The following COL21A1 variants were observed in gnomAD, a reference collection of about 807,000 sequenced individuals.
COL21A1 encodes collagen alpha-1(XXI) chain.
Under a neutral mutation model 137.9 loss-of-function variants are expected in COL21A1, and 149 were observed. The ratio of observed to expected loss-of-function variants is 1.08; its 90% CI spans 0.95 to 1.24. The LOEUF (loss-of-function observed/expected upper bound fraction) is 1.24. COL21A1 is among the 50% of genes most tolerant of loss of function. The pLI is 0.00. For synonymous variants in COL21A1, 456 were observed against 391.5 expected (o/e 1.16, Z -1.95); for missense variants, 1,167 against 1,158.4 (o/e 1.01, Z -0.11).
intron 1 of COL21A1, among the ~76,000 whole-genome samples, chr6:56,264,959 AG>A (rs1478386116): frequency 6.6e-6 from 1 of 152,220 alleles, no homozygotes; most frequent in Non-Finnish European, 1.5e-5. Flanking sequence ...AGCAAAAAGA[AG>A]GTGCCTCTCC....
chr6:56,235,403 T>C (rs1781835900), intron 1 of COL21A1, among the ~76,000 whole-genome samples: 1 of 151,946 alleles, frequency 6.6e-6, no homozygotes, highest in African/African-American at 2.4e-5. Context: ...GCTTTTCTGA[T>C]TGTTTAATAT....
intron 16 of COL21A1, among the ~76,000 whole-genome samples, chr6:56,108,407 G>C (rs1345116794): frequency 6.6e-6 from 1 of 151,892 alleles, no homozygotes; most frequent in Non-Finnish European, 1.5e-5. Flanking sequence ...GACAATAGAA[G>C]GATGGGCGAA....
chr6:56,112,171 T>C (rs1309902516), intron 16 of COL21A1, among the ~76,000 whole-genome samples: 1 of 152,176 alleles, frequency 6.6e-6, no homozygotes, highest in Non-Finnish European at 1.5e-5. Context: ...AAAGTTCTAA[T>C]GTAATTCAAA....
intron 9 of COL21A1, among the ~76,000 whole-genome samples, chr6:56,162,220 T>A (rs1776250257): frequency 6.6e-6 from 1 of 152,126 alleles, no homozygotes; most frequent in South Asian, 2.1e-4. Flanking sequence ...ACTTCCAGGA[T>A]AAAGAGTCCT....
rs1768502605 is a variant in COL21A1, at chr6:56,088,694, AAATCAC to A, written c.1813-11127_1813-11122del. Among the ~76,000 whole-genome samples the A allele has an allele frequency of 2.6e-5, 4 of 152,146 alleles. No individual in the cohort carries two copies. In the South Asian group the frequency reaches 8.3e-4, roughly 31 times the overall value. On this transcript the variant is annotated intron_variant, in intron 17 of 29. Transcript: ENST00000244728. The stretch of plus-strand genomic sequence containing the variant: ...TTTCTGCTTTTTGGGAGCACTTCCA[AAATCAC>A]TAGTGGCACTTCCTATGTGTTTCAT...
At chr6:56,181,533 T>C (rs893360241) in intron 2 of COL21A1, among the ~76,000 whole-genome samples, 1 of 152,166 alleles carries the variant, frequency 6.6e-6, no homozygotes, top group Non-Finnish European at 1.5e-5. Flanking sequence ...TTCAGTGGTT[T>C]TCACTCTAAG....
At chr6:56,381,823 C>T (rs2094009170) in intron 1 of COL21A1, among the ~76,000 whole-genome samples, 1 of 152,160 alleles carries the variant, frequency 6.6e-6, no homozygotes, top group Non-Finnish European at 1.5e-5. Flanking sequence ...CAAACTGACT[C>T]CAAATTGGAA....
At chr6:56,097,904 TATATAAATATATATAA>T (rs1769593650) in intron 17 of COL21A1, among the ~76,000 whole-genome samples, 3 of 97,428 alleles carry the variant, frequency 3.1e-5, no homozygotes, top group Admixed American at 1.6e-4. Flanking sequence ...AATATATAAA[TATATAAATATATATAA>T]ATATATAAAT....
intron 17 of COL21A1, among the ~76,000 whole-genome samples, chr6:56,087,860 T>A (rs980129966): frequency 6.6e-6 from 1 of 152,072 alleles, no homozygotes; most frequent in African/African-American, 2.4e-5. Context: ...TTCTCCTCAA[T>A]GAGATTCTTA....
rs79999111 is a variant in COL21A1 at position 56,289,569 on chromosome 6, C to T, written c.-39+104402G>A. 4.5e-3 allele frequency among the ~76,000 whole-genome samples: 688 copies of T among 152,220 alleles called. 5 individuals carry two copies. Among genetic ancestry groups the T allele is most frequent in the African/African-American group, 0.016 (663 of 41,518 alleles). Reference sequence around the variant, plus strand: ...TCTAGAAAAGCCCATAGTAAATGCTCAGTAGATATATGTGTGTAGGATAAA... The same window carrying T: ...TCTAGAAAAGCCCATAGTAAATGCTTAGTAGATATATGTGTGTAGGATAAA... On this transcript the variant is annotated intron_variant, in intron 1 of 28. Transcript: ENST00000370819.
intron 1 of COL21A1, among the ~76,000 whole-genome samples, chr6:56,322,880 CTA>C (rs2152341623): frequency 1.3e-5 from 1 of 75,282 alleles, no homozygotes; most frequent in Non-Finnish European, 3.0e-5. Context: ...CCATCCTCTG[CTA>C]TCAAAAAAAA....
Position 56,212,145 on chromosome 6 carries a change from T to C in COL21A1, c.-38-29489A>G, listed in dbSNP as rs144472936. Among the ~76,000 whole-genome samples the C allele has an allele frequency of 2.6e-4, 39 of 152,180 alleles. 1 individual carries two copies. In the East Asian group the frequency reaches 7.3e-3, roughly 29 times the overall value. ...ATTTCTTATATTCAAATTGTATATG[T>C]AATACAATAGAGGGTTTCCTAGAAA... On this transcript the variant is annotated intron_variant, in intron 1 of 29. Transcript: ENST00000244728.
intron 16 of COL21A1, among the ~76,000 whole-genome samples, chr6:56,106,712 T>C (rs1770931128): frequency 6.6e-6 from 1 of 152,026 alleles, no homozygotes; most frequent in Non-Finnish European, 1.5e-5. Context: ...ATAAAAACTT[T>C]TCATATTTTC....
chr6:56,369,460 C>T (rs1272043672), intron 1 of COL21A1, among the ~76,000 whole-genome samples: 1 of 151,614 alleles, frequency 6.6e-6, no homozygotes. Flanking sequence ...AAAAAAGTGT[C>T]TGATGTTGAG....
intron 10 of COL21A1, among the ~76,000 whole-genome samples, chr6:56,143,225 G>GAGTCTCAC (rs1459204529): frequency 7.6e-6 from 1 of 130,736 alleles, no homozygotes; most frequent in Non-Finnish European, 1.6e-5. Flanking sequence ...TTTTGAGACA[G>GAGTCTCAC]AGTCTCACTC....
intron 1 of COL21A1, among the ~76,000 whole-genome samples, chr6:56,208,592 T>C (rs538040699): frequency 5.3e-5 from 8 of 152,268 alleles, no homozygotes; most frequent in African/African-American, 1.4e-4. Flanking sequence ...AAAATGACCA[T>C]ACTGCCCAAA....
In COL21A1 at chr6:56,378,223, C is replaced by T. The variant is rs570750646; in HGVS notation, c.-39+15748G>A. Among the ~76,000 whole-genome samples the T allele has an allele frequency of 2.6e-5, 4 of 152,206 alleles. No individual in the cohort carries two copies. In the South Asian group the frequency reaches 8.3e-4, roughly 32 times the overall value. Reference sequence around the variant, plus strand: ...AAGAAAAGCAGACTTTGACATGCACCTTAGGTACTAGCTTGGCCACAGTGG... The same window carrying T: ...AAGAAAAGCAGACTTTGACATGCACTTTAGGTACTAGCTTGGCCACAGTGG... On this transcript the variant is annotated intron_variant, in intron 1 of 28. Transcript: ENST00000370819.
intron 1 of COL21A1, among the ~76,000 whole-genome samples, chr6:56,314,764 T>C (rs1454938416): frequency 6.6e-6 from 1 of 152,212 alleles, no homozygotes; most frequent in African/African-American, 2.4e-5. Flanking sequence ...AGAAACATAT[T>C]GTGATGTTAT....
At chr6:56,251,530 G>T (rs1036212996), upstream of COL21A1, among the ~76,000 whole-genome samples, 7 of 152,206 alleles carry the variant, frequency 4.6e-5, no homozygotes, top group Admixed American at 1.3e-4. Flanking sequence ...ATGTAGCTAT[G>T]AGCAAAAGCT....
Sources: allele counts gnomAD v4.1 joint callset (sites outside exome capture counted in the v4.1 genomes callset), GRCh38; gene constraint gnomAD v4.1.1; transcripts MANE v1.5; gene names NCBI Gene and HGNC (gene_info 2026-07-23, HGNC 2026-07-21).